Variants in SEPSECS observed in about 807,000 individuals in gnomAD.
SEPSECS encodes the protein Sep (O-phosphoserine) tRNA:Sec (selenocysteine) tRNA synthase.
SEPSECS carries 42 observed loss-of-function variants against 52.1 expected under a neutral mutation model. That is an observed-to-expected ratio of 0.81 (90% CI 0.63 to 1.04). SEPSECS has a LOEUF of 1.04. SEPSECS is among the 50% of genes least tolerant of loss of function. SEPSECS has a pLI of 0.00. For synonymous variants in SEPSECS, 216 were observed against 211.4 expected (o/e 1.02, Z -0.19); for missense variants, 590 against 610.6 (o/e 0.97, Z 0.36).
intron 4 of SEPSECS, 33 bp from the exon 5 acceptor site, chr4:25,155,184 T>A (rs768929869): frequency 1.9e-6 from 3 of 1,611,460 alleles, no homozygotes; most frequent in Non-Finnish European, 2.5e-6. Context: ...AAAATGTTAG[T>A]GTGAACTAAA....
intron 8 of SEPSECS, among the ~76,000 whole-genome samples, chr4:25,131,050 A>G (rs1187918936): frequency 6.6e-6 from 1 of 152,252 alleles, no homozygotes; most frequent in Non-Finnish European, 1.5e-5. Flanking sequence ...GTATACCTGA[A>G]TGCTAATGTC....
At chr4:25,148,685 G>A (rs1277529561) in intron 6 of SEPSECS, among the ~76,000 whole-genome samples, 1 of 152,084 alleles carries the variant, frequency 6.6e-6, no homozygotes, top group Non-Finnish European at 1.5e-5. Context: ...ACAATGTATT[G>A]TATATTTCAA....
At position 25,120,027 on chromosome 4, in the gene SEPSECS, A is replaced by G. The variant is rs1050504252; in HGVS notation, c.*3904T>C. On this transcript the variant is annotated 3_prime_UTR_variant, in exon 11 of 11. Coordinates refer to ENST00000382103, the MANE Select transcript of SEPSECS (RefSeq NM_016955.4). ...ACGTACTGTCAGTGACTTATCAAAA[A>G]TTTATTTCATATAATAAATTATATA... The G allele has an allele frequency of 6.6e-6, 1 of 152,014 alleles. No individual in the cohort carries two copies. Among genetic ancestry groups the G allele is most frequent in the African/African-American group, 2.4e-5 (1 of 41,424 alleles). 9.4% of individuals were successfully genotyped at this position (152,014 alleles called of 1,614,324 possible). A position where few individuals can be genotyped will look rare whatever the true frequency, so the allele number is the denominator to read the frequency against.
chr4:25,154,711 C>T (rs567001209), intron 5 of SEPSECS, among the ~76,000 whole-genome samples: 10 of 152,022 alleles, frequency 6.6e-5, no homozygotes, highest in South Asian at 4.2e-4. Context: ...AAAAAACATG[C>T]TAAGAGATCA....
At position 25,145,058 on chromosome 4, in the gene SEPSECS, T is replaced by C. The variant is rs756188805; in HGVS notation, c.880A>G (p.Ile294Val). 5 of 1,613,914 alleles carry C rather than the reference T, an allele frequency of 3.1e-6. No homozygotes were observed. The South Asian group carries it at 3.3e-5, about 11-fold the overall frequency. ...AATGAATCATTAAAGCCAGCAATTATAGCACCACCTACTGGAACCATAAAA... is the reference window on the plus strand; with the variant it reads ...AATGAATCATTAAAGCCAGCAATTACAGCACCACCTACTGGAACCATAAAA... ...KNFMVPVGGA[I>V]IAGFNDSFIQ... Residue 294 changes from isoleucine to valine, a missense_variant, in exon 7 of 11, where the codon ATA (isoleucine) becomes GTA (valine). Coordinates refer to ENST00000382103, the MANE Select transcript of SEPSECS (RefSeq NM_016955.4).
Position 25,121,091 on chromosome 4 carries a change from A to G in SEPSECS, c.*2840T>C, listed in dbSNP as rs144070806. Reference sequence around the variant, plus strand: ...TATTGGCTGAACAGAACTGTATTCAATAATTCATATTCTATAACTTCATTC... The same window carrying G: ...TATTGGCTGAACAGAACTGTATTCAGTAATTCATATTCTATAACTTCATTC... On this transcript the variant is annotated 3_prime_UTR_variant, in exon 11 of 11. Transcript: ENST00000382103. 736 of 152,252 alleles carry G rather than the reference A, an allele frequency of 4.8e-3. 4 individuals are homozygous for G. The highest frequency in any genetic ancestry group is 0.017 in the African/African-American group (693 of 41,552). The allele number at this position is 152,252 out of a possible 1,614,324, so 9.4% of individuals were successfully genotyped here.
chr4:25,133,449 G>A lies in SEPSECS; in HGVS notation c.1027-6092C>T, dbSNP rs188606104. 1.9e-3 allele frequency among the ~76,000 whole-genome samples: 284 copies of A among 152,288 alleles called. 8 individuals carry two copies. Among genetic ancestry groups the A allele is most frequent in the Non-Finnish European group, 9.8e-4 (67 of 68,028 alleles). On this transcript the variant is annotated intron_variant, in intron 8 of 10. Coordinates refer to ENST00000382103, the MANE Select transcript of SEPSECS (RefSeq NM_016955.4). ...CCTGCTGGATTCATTTACTAGCTGA[G>A]CTACATATTCCTGCAGGTCATTTCC...
At chr4:25,152,129 GT>G in intron 5 of SEPSECS, 67 bp from the exon 6 acceptor site, 2 of 989,658 alleles carry the variant, frequency 2.0e-6, no homozygotes, top group East Asian at 2.5e-5. Flanking sequence ...AGTGCAGAAA[GT>G]TTTTTAAAAA....
chr4:25,143,311 ACATGAAACGTTT>A (rs1711719627), intron 8 of SEPSECS, among the ~76,000 whole-genome samples: 3 of 152,142 alleles, frequency 2.0e-5, no homozygotes, highest in Non-Finnish European at 1.5e-5. Context: ...CACTATCAAG[ACATGAAACGTTT>A]CATCACCCTA....
chr4:25,127,608 ATCT>A (rs770323854), intron 8 of SEPSECS, among the ~76,000 whole-genome samples: 24 of 152,168 alleles, frequency 1.6e-4, no homozygotes, highest in Non-Finnish European at 2.6e-4. Flanking sequence ...TCACAAATCC[ATCT>A]TCTTCTCAGA....
intron 6 of SEPSECS, among the ~76,000 whole-genome samples, chr4:25,148,162 C>A (rs947960515): frequency 1.3e-5 from 2 of 152,056 alleles, no homozygotes; most frequent in South Asian, 4.1e-4. Context: ...ACCACCCTGG[C>A]TAACACGGTG....
intron 4 of SEPSECS, among the ~76,000 whole-genome samples, chr4:25,155,632 T>C (rs927642592): frequency 6.6e-6 from 1 of 152,216 alleles, no homozygotes; most frequent in South Asian, 2.1e-4. Context: ...ATCTACTTAA[T>C]GTTTTACCTC....
intron 8 of SEPSECS, among the ~76,000 whole-genome samples, chr4:25,132,402 G>A (rs1362020354): frequency 6.6e-6 from 1 of 152,130 alleles, no homozygotes; most frequent in Non-Finnish European, 1.5e-5. Context: ...CTTCTCCAGA[G>A]CTGAACCAAT....
At chr4:25,125,911 T>C (rs773380159) in intron 9 of SEPSECS, 127 bp from the exon 10 acceptor site, 26 of 703,454 alleles carry the variant, frequency 3.7e-5, no homozygotes, top group Non-Finnish European at 5.9e-5. Context: ...TTCACTTTAA[T>C]GTACTTAATA....
chr4:25,156,707 C>CAAAAAAAAAAAAAAAAAAAAAA (rs34542574), intron 3 of SEPSECS, 149 bp downstream of exon 3: 1 of 181,138 alleles, frequency 5.5e-6, no homozygotes, highest in African/African-American at 7.3e-5. Context: ...GACTCCGTCT[C>CAAAAAAAAAAAAAAAAAAAAAA]AAAAAAAAAA....
intron 3 of SEPSECS, among the ~76,000 whole-genome samples, 199 bp downstream of exon 3, chr4:25,156,657 G>A (rs1309781146): frequency 7.9e-6 from 1 of 126,822 alleles, no homozygotes; most frequent in Non-Finnish European, 1.6e-5. Flanking sequence ...GCAGTGAGCC[G>A]AGATCGCGCC....
chr4:25,151,173 T>G (rs1344030534), intron 6 of SEPSECS, among the ~76,000 whole-genome samples: 3 of 152,192 alleles, frequency 2.0e-5, no homozygotes, highest in African/African-American at 7.2e-5. Context: ...GTAACCGGTT[T>G]ATTGATTGTC....
intron 3 of SEPSECS, 47 bp downstream of exon 3, chr4:25,156,809 G>C (rs1048255959): frequency 1.1e-6 from 1 of 874,898 alleles, no homozygotes; most frequent in African/African-American, 1.7e-5. Flanking sequence ...AGTGGTGTGT[G>C]TGTGTGTCCA....
chr4:25,148,374 A>AGC (rs1712112008), intron 6 of SEPSECS, among the ~76,000 whole-genome samples: 1 of 151,046 alleles, frequency 6.6e-6, no homozygotes, highest in South Asian at 2.1e-4. Flanking sequence ...AAAAAAAAAA[A>AGC]AAGCCTAGTA....
Sources: allele counts gnomAD v4.1 joint callset (sites outside exome capture counted in the v4.1 genomes callset), GRCh38; gene constraint gnomAD v4.1.1; transcripts MANE v1.5; gene names NCBI Gene and HGNC (gene_info 2026-07-23, HGNC 2026-07-21).